TBC1D14: variants seen among roughly 807,000 people sequenced by gnomAD.
TBC1D14 encodes TBC1 domain family member 14.
Under a neutral mutation model 79.0 loss-of-function variants are expected in TBC1D14, and 26 were observed. The ratio of observed to expected loss-of-function variants is 0.33; its 90% confidence interval spans 0.24 to 0.46. The LOEUF (loss-of-function observed/expected upper bound fraction) is 0.46, where lower values mean the gene tolerates loss of function less well. Among genes scored for constraint, TBC1D14 ranks in the 20% least tolerant of loss-of-function variants. TBC1D14 has a pLI of 1.00. For missense variants in TBC1D14, 769 were observed against 887.6 expected (o/e 0.87, Z 1.70); for synonymous variants, 394 against 349.9 (o/e 1.13, Z -1.40).
intron 1 of TBC1D14, chr4:6,910,176 G>C (rs986179776): frequency 1.3e-5 from 2 of 149,212 alleles, no homozygotes; most frequent in African/African-American, 2.6e-5. Context: ...CCTCCGGGGC[G>C]GGGGCGACTC....
At chr4:6,991,113 T>C (rs1204389257) in intron 3 of TBC1D14, among the ~76,000 whole-genome samples, 2 of 152,226 alleles carry the variant, frequency 1.3e-5, no homozygotes, top group Admixed American at 6.5e-5. Context: ...TTGCCTGGGA[T>C]TTCAAGTATG....
intron 2 of TBC1D14, among the ~76,000 whole-genome samples, chr4:6,942,997 G>A (rs1713054198): frequency 6.6e-6 from 1 of 152,202 alleles, no homozygotes; most frequent in African/African-American, 2.4e-5. Context: ...TAACAAACTT[G>A]AAATATACAT....
chr4:6,931,840 TTG>T (rs2108947575), intron 2 of TBC1D14, among the ~76,000 whole-genome samples: 2 of 152,266 alleles, frequency 1.3e-5, no homozygotes, highest in Admixed American at 1.3e-4. Context: ...TGGGATTCAT[TTG>T]TGAACAAAAC....
chr4:6,950,005 T>TA (rs1268918361), intron 2 of TBC1D14, among the ~76,000 whole-genome samples: 1 of 152,156 alleles, frequency 6.6e-6, no homozygotes, highest in East Asian at 1.9e-4. Flanking sequence ...ATCAACCTGT[T>TA]ATCTGGGTTT....
chr4:6,964,478 C>A (rs1159747366), intron 2 of TBC1D14, among the ~76,000 whole-genome samples: 1 of 152,324 alleles, frequency 6.6e-6, no homozygotes, highest in Non-Finnish European at 1.5e-5. Context: ...CCTTAGTGAA[C>A]CCAAGTTCTG....
chr4:6,983,588 G>T (rs1717570832), intron 3 of TBC1D14, among the ~76,000 whole-genome samples: 1 of 152,180 alleles, frequency 6.6e-6, no homozygotes, highest in Non-Finnish European at 1.5e-5. Context: ...TCTATCAGGA[G>T]ATTATCCCAT....
chr4:6,966,347 G>GT (rs1258556594), intron 2 of TBC1D14, among the ~76,000 whole-genome samples: 1 of 152,036 alleles, frequency 6.6e-6, no homozygotes, highest in African/African-American at 2.4e-5. Context: ...ATTTTATTTT[G>GT]TGTTAATACT....
intron 2 of TBC1D14, among the ~76,000 whole-genome samples, chr4:6,962,822 G>A (rs546093361): frequency 1.3e-5 from 2 of 152,292 alleles, no homozygotes; most frequent in East Asian, 3.9e-4. Flanking sequence ...CGTCTGGGTT[G>A]CACTCCCGTT....
chr4:6,939,851 G>T (rs912879437), intron 2 of TBC1D14, among the ~76,000 whole-genome samples: 4 of 152,212 alleles, frequency 2.6e-5, no homozygotes, highest in Non-Finnish European at 4.4e-5. Flanking sequence ...TTTGAGCAAA[G>T]ATGTGAGTGG....
rs189898469 is a variant in TBC1D14 at position 7,005,584 on chromosome 4, A to G, written c.1351+660A>G. 1.8e-4 allele frequency among the ~76,000 whole-genome samples: 27 copies of G among 152,030 alleles called. No individual in the cohort carries two copies. In the East Asian group the frequency reaches 5.2e-3, roughly 29 times the overall value. ...CGTGGTGATGTGCACCTGTAATCCC[A>G]CCTACTCGGGAGGCTGAGGAAGGAG... is the stretch of plus-strand genomic sequence containing the variant. On this transcript the variant is annotated intron_variant, in intron 8 of 13. Coordinates refer to ENST00000409757, the MANE Select transcript of TBC1D14 (RefSeq NM_020773.3).
chr4:6,918,841 T>C (rs1356538660), intron 1 of TBC1D14, among the ~76,000 whole-genome samples: 1 of 152,196 alleles, frequency 6.6e-6, no homozygotes, highest in East Asian at 1.9e-4. Context: ...TTCCTTTTAA[T>C]TAAAGTGTAT....
At chr4:7,019,610 G>A (rs550184537) in intron 12 of TBC1D14, among the ~76,000 whole-genome samples, 3 of 152,382 alleles carry the variant, frequency 2.0e-5, no homozygotes, top group South Asian at 4.1e-4. Context: ...TGAAGTGGGA[G>A]CCTGCATTCT....
At chr4:6,913,285 A>G (rs1042512107) in intron 1 of TBC1D14, among the ~76,000 whole-genome samples, 3 of 152,178 alleles carry the variant, frequency 2.0e-5, no homozygotes, top group Admixed American at 2.0e-4. Context: ...GTGAGCCACC[A>G]CGCCTGGCCT....
chr4:6,978,738 T>TAAAAAA (rs59534721), intron 3 of TBC1D14, among the ~76,000 whole-genome samples: 19 of 108,420 alleles, frequency 1.8e-4, no homozygotes, highest in Non-Finnish European at 2.9e-4. Flanking sequence ...AATGATCAAT[T>TAAAAAA]AAAAAAAAAA....
intron 2 of TBC1D14, among the ~76,000 whole-genome samples, chr4:6,947,279 C>T (rs1056657534): frequency 2.6e-5 from 4 of 152,110 alleles, no homozygotes; most frequent in Admixed American, 6.6e-5. Context: ...AGGCAGATCA[C>T]GAGGTCAGGA....
intron 1 of TBC1D14, among the ~76,000 whole-genome samples, chr4:6,913,271 A>G (rs769352057): frequency 2.0e-5 from 3 of 152,230 alleles, no homozygotes; most frequent in Admixed American, 6.5e-5. Context: ...CTGGGATTAC[A>G]GGCGTGAGCC....
At chr4:7,024,916 G>A (rs1722194512) in intron 12 of TBC1D14, 88 bp from the exon 13 acceptor site, 1 of 1,558,508 alleles carries the variant, frequency 6.4e-7, no homozygotes, top group African/African-American at 1.4e-5. Context: ...CTAGGGGAGT[G>A]TTTTTCATGG....
At chr4:6,942,869 C>G (rs1713042328) in intron 2 of TBC1D14, among the ~76,000 whole-genome samples, 1 of 152,164 alleles carries the variant, frequency 6.6e-6, no homozygotes, top group African/African-American at 2.4e-5. Context: ...TAGATTTTAT[C>G]CCTTTTAGAG....
intron 12 of TBC1D14, among the ~76,000 whole-genome samples, chr4:7,020,302 C>A (rs1304526383): frequency 6.6e-6 from 1 of 152,222 alleles, no homozygotes; most frequent in African/African-American, 2.4e-5. Flanking sequence ...CTTAAGTAAC[C>A]ATCTCCAACT....
Sources: allele counts gnomAD v4.1 joint callset (sites outside exome capture counted in the v4.1 genomes callset), GRCh38; gene constraint gnomAD v4.1.1; transcripts MANE v1.5; gene names NCBI Gene and HGNC (gene_info 2026-07-23, HGNC 2026-07-21).